Variants in SOX6 observed in about 807,000 individuals in gnomAD.
SOX6 encodes transcription factor SOX-6.
In SOX6, 11 loss-of-function variants were observed where a neutral mutation model predicts 97.8. The observed-to-expected ratio is 0.11, with a 90% confidence interval of 0.07 to 0.19. The LOEUF (loss-of-function observed/expected upper bound fraction) is 0.19. Among genes scored for constraint, SOX6 ranks in the 10% least tolerant of loss-of-function variants. The pLI is 1.00. For missense variants in SOX6, 810 were observed against 1,039.5 expected (o/e 0.78, Z 3.04); for synonymous variants, 360 against 371.4 (o/e 0.97, Z 0.35).
chr11:16,644,986 T>C (rs2134008282), intron 3 of SOX6, among the ~76,000 whole-genome samples: 1 of 152,320 alleles, frequency 6.6e-6, no homozygotes, highest in African/African-American at 2.4e-5. Context: ...AAAGATGTGA[T>C]TGATATACTA....
At chr11:16,313,586 C>A (rs1036589409) in intron 3 of SOX6, 4 of 152,096 alleles carry the variant, frequency 2.6e-5, no homozygotes, top group African/African-American at 9.7e-5. Flanking sequence ...CTCCTTAGAC[C>A]TAGAATATAA....
At chr11:16,345,138 T>C (rs1856741943) in intron 1 of SOX6, among the ~76,000 whole-genome samples, 1 of 151,972 alleles carries the variant, frequency 6.6e-6, no homozygotes, top group African/African-American at 2.4e-5. Flanking sequence ...TTATTTATAA[T>C]ACAGTGCATT....
At chr11:16,698,331 A>G (rs1260184456) in intron 3 of SOX6, among the ~76,000 whole-genome samples, 2 of 152,156 alleles carry the variant, frequency 1.3e-5, no homozygotes, top group African/African-American at 4.8e-5. Flanking sequence ...CCTAGCTTCA[A>G]ACTTTTCTTC....
intron 6 of SOX6, among the ~76,000 whole-genome samples, chr11:16,170,775 A>G (rs748267596): frequency 6.6e-6 from 1 of 152,050 alleles, no homozygotes; most frequent in Non-Finnish European, 1.5e-5. Context: ...CAACTAAAAT[A>G]CCCTTTGTGC....
chr11:16,168,261 G>A (rs16932664), intron 6 of SOX6, among the ~76,000 whole-genome samples: 1 of 152,022 alleles, frequency 6.6e-6, no homozygotes, highest in Non-Finnish European at 1.5e-5. Flanking sequence ...GGAAAAATAG[G>A]TATCAAATAT....
At chr11:16,005,436 A>C (rs1309725460) in intron 13 of SOX6, among the ~76,000 whole-genome samples, 1 of 152,002 alleles carries the variant, frequency 6.6e-6, no homozygotes, top group Non-Finnish European at 1.5e-5. Flanking sequence ...ACCTACAGAT[A>C]GGCTTTTTTA....
At position 16,518,628 on chromosome 11, in the gene SOX6, C is replaced by A. The variant is rs186446087; in HGVS notation, n.610-42240G>T. On this transcript the variant is annotated intron_variant and non_coding_transcript_variant, in intron 4 of 5. Transcript: ENST00000524520. ...TGAAGTTAAAAATGGAAAATCCTTA[C>A]GCAAACAAACTTTATCCAGAAAAAT... Among the ~76,000 whole-genome samples the A allele has an allele frequency of 1.4e-4, 21 of 152,082 alleles. 1 individual carries two copies. Among genetic ancestry groups the A allele is most frequent in the African/African-American group, 4.8e-4 (20 of 41,424 alleles).
chr11:16,366,998 T>G (rs1857376355), intron 1 of SOX6, among the ~76,000 whole-genome samples: 1 of 152,208 alleles, frequency 6.6e-6, no homozygotes, highest in South Asian at 2.1e-4. Flanking sequence ...TTAAGATGAC[T>G]GCTCATATAG....
At chr11:16,464,423 C>T (rs2133109301) in intron 1 of SOX6, among the ~76,000 whole-genome samples, 1 of 147,312 alleles carries the variant, frequency 6.8e-6, no homozygotes, top group Admixed American at 6.8e-5. Flanking sequence ...ACATAGCATA[C>T]AGACTAATTA....
At chr11:16,687,819 A>C (rs1847980824) in intron 3 of SOX6, among the ~76,000 whole-genome samples, 1 of 152,148 alleles carries the variant, frequency 6.6e-6, no homozygotes, top group Admixed American at 6.6e-5. Flanking sequence ...GGCATGAGCT[A>C]TCACACCCAG....
At chr11:16,233,258 T>A (rs909832711) in intron 4 of SOX6, among the ~76,000 whole-genome samples, 1 of 152,154 alleles carries the variant, frequency 6.6e-6, no homozygotes, top group African/African-American at 2.4e-5. Context: ...GTGATGACTG[T>A]CCGTAAGGAT....
chr11:16,129,241 A>G (rs1441214388), intron 6 of SOX6, among the ~76,000 whole-genome samples: 1 of 152,076 alleles, frequency 6.6e-6, no homozygotes, highest in African/African-American at 2.4e-5. Context: ...TAGCCTAAAT[A>G]TGTTTTCTTA....
chr11:16,364,322 C>CA (rs1857290409), intron 1 of SOX6, among the ~76,000 whole-genome samples: 1 of 151,792 alleles, frequency 6.6e-6, no homozygotes, highest in Admixed American at 6.6e-5. Flanking sequence ...TAGGTTTTTC[C>CA]AAAAAAATAA....
chr11:16,058,050 T>C (rs997887313), intron 9 of SOX6, among the ~76,000 whole-genome samples: 1 of 152,122 alleles, frequency 6.6e-6, no homozygotes, highest in Non-Finnish European at 1.5e-5. Flanking sequence ...TTGATGTTTT[T>C]CATTGATAAT....
At chr11:16,725,509 GA>G (rs546689285) in intron 2 of SOX6, among the ~76,000 whole-genome samples, 2 of 151,020 alleles carry the variant, frequency 1.3e-5, no homozygotes, top group African/African-American at 2.4e-5. Flanking sequence ...AAAAAAAAAA[GA>G]AAAAAAATGC....
At chr11:16,661,728 G>A (rs1306041506) in intron 3 of SOX6, among the ~76,000 whole-genome samples, 1 of 151,944 alleles carries the variant, frequency 6.6e-6, no homozygotes, top group Non-Finnish European at 1.5e-5. Flanking sequence ...TTTTTACTTT[G>A]TGTAGAGATG....
chr11:16,669,808 T>C (rs914839636), intron 3 of SOX6, among the ~76,000 whole-genome samples: 1 of 152,106 alleles, frequency 6.6e-6, no homozygotes, highest in Non-Finnish European at 1.5e-5. Context: ...CCACACAACC[T>C]GGAACTCTGA....
In SOX6 at chr11:16,605,745, A is replaced by G. The variant is rs1316631952; in HGVS notation, n.609+6336T>C. On this transcript the variant is annotated intron_variant and non_coding_transcript_variant, in intron 4 of 5. Transcript: ENST00000524520. The surrounding 1 kb of genome is among the most constrained non-coding windows in gnomAD (Gnocchi z 5.3). ...ACCGAAATGGGGGTGGGGTGGGGGT[A>G]GCATTAAGAAGCCCAGAAGCTCAGC... Among the ~76,000 whole-genome samples the G allele has an allele frequency of 1.3e-5, 2 of 152,046 alleles. No homozygotes were observed. The highest frequency in any genetic ancestry group is 1.9e-4 in the East Asian group (1 of 5,166).
At chr11:16,097,464 A>G (rs925653588) in intron 8 of SOX6, 145 bp downstream of exon 8, 21 of 725,150 alleles carry the variant, frequency 2.9e-5, no homozygotes, top group Non-Finnish European at 4.7e-5. Context: ...TATTTGCATT[A>G]CGATAAGCAA....
Sources: gnomAD v4.1 joint callset for allele counts (sites outside exome capture counted in the v4.1 genomes callset) on GRCh38, gnomAD v4.1.1 for gene constraint, Gnocchi (gnomAD v3.1) non-coding constraint, MANE v1.5 for transcripts, NCBI Gene and HGNC (gene_info 2026-07-23, HGNC 2026-07-21) for gene names.